CACNA1D: variants seen among roughly 807,000 people sequenced by gnomAD.
CACNA1D encodes the protein voltage-dependent L-type calcium channel subunit alpha-1D.
A neutral mutation model predicts 257.1 loss-of-function variants in CACNA1D; 55 were observed. That is an observed-to-expected ratio of 0.21 (90% CI 0.17 to 0.27). The LOEUF (loss-of-function observed/expected upper bound fraction) is 0.27, where lower values mean the gene tolerates loss of function less well. Among genes scored for constraint, CACNA1D ranks in the 10% least tolerant of loss-of-function variants. The pLI, the probability that CACNA1D is intolerant of heterozygous loss-of-function variation, is 1.00. For synonymous variants in CACNA1D, 980 were observed against 1,014.9 expected, an observed-to-expected ratio of 0.97 and a Z score of 0.65; for missense variants, 1,876 against 2,784.0, an observed-to-expected ratio of 0.67 and a Z score of 7.34.
At chr3:53,553,612 A>G (rs1231767206) in intron 3 of CACNA1D, among the ~76,000 whole-genome samples, 3 of 152,072 alleles carry the variant, frequency 2.0e-5, no homozygotes, top group African/African-American at 7.3e-5. Context: ...TACATTTGCA[A>G]TTTGTAACCA....
chr3:53,739,903 C>T (rs374846521), intron 20 of CACNA1D, among the ~76,000 whole-genome samples: 4 of 152,304 alleles, frequency 2.6e-5, no homozygotes, highest in East Asian at 1.9e-4. Context: ...GCCAGAAACG[C>T]GGTTAAAAAT....
At chr3:53,498,747 A>G (rs1164318827) in intron 2 of CACNA1D, among the ~76,000 whole-genome samples, 1 of 152,180 alleles carries the variant, frequency 6.6e-6, no homozygotes, top group African/African-American at 2.4e-5. Flanking sequence ...TTCTGTGCTA[A>G]TGGACAGGAG....
In CACNA1D at chr3:53,723,787, T is replaced by TA; in HGVS notation, c.1893-4dup. 2 of 1,612,608 alleles carry TA rather than the reference T, an allele frequency of 1.2e-6. No individual in the cohort carries two copies. The highest frequency in any genetic ancestry group is 1.7e-6 in the Non-Finnish European group (2 of 1,178,584). ...CTGAGCTGACACCCTCATCTTGACT[T>TA]ATAGGCACTGGACTTCCCTGAGCAA... On this transcript the variant is annotated splice_region_variant and splice_polypyrimidine_tract_variant and intron_variant, in intron 13 of 47. Coordinates refer to ENST00000350061, the MANE Select transcript of CACNA1D (RefSeq NM_001128840.3). The surrounding 1 kb of genome is among the most constrained non-coding windows in gnomAD (Gnocchi z 5.6).
In CACNA1D at chr3:53,542,735, A is replaced by G. The variant is rs17053162; in HGVS notation, c.483+41015A>G. On this transcript the variant is annotated intron_variant, in intron 3 of 47. Transcript: ENST00000350061. ...TGTGATTCCCTTCTCCACTAAATACAAATCAGTGCTACTCAGGGGCTCTTT... is the reference window on the plus strand; with the variant it reads ...TGTGATTCCCTTCTCCACTAAATACGAATCAGTGCTACTCAGGGGCTCTTT... Among the ~76,000 whole-genome samples the G allele has an allele frequency of 8.0e-3, 1,216 of 152,286 alleles. 92 individuals are homozygous for G. The South Asian group carries it at 0.16, about 20-fold the overall frequency.
At chr3:53,610,676 A>G (rs2093571801) in intron 3 of CACNA1D, among the ~76,000 whole-genome samples, 1 of 151,646 alleles carries the variant, frequency 6.6e-6, no homozygotes, top group Non-Finnish European at 1.5e-5. Context: ...CTTATTTTCT[A>G]TTTTTTCCAT....
intron 3 of CACNA1D, among the ~76,000 whole-genome samples, chr3:53,520,271 G>T (rs570228797): frequency 6.6e-6 from 1 of 152,176 alleles, no homozygotes. Context: ...ACATGTGGAG[G>T]TTCCAATTTC....
chr3:53,683,086 T>A (rs1303359539), intron 8 of CACNA1D, among the ~76,000 whole-genome samples: 2 of 152,124 alleles, frequency 1.3e-5, no homozygotes, highest in Admixed American at 6.5e-5. Flanking sequence ...AGCTGGGATT[T>A]TCAGGGCAGA....
At chr3:53,657,762 T>G (rs1462597196) in intron 4 of CACNA1D, among the ~76,000 whole-genome samples, 2 of 152,258 alleles carry the variant, frequency 1.3e-5, no homozygotes, top group African/African-American at 4.8e-5. Context: ...CTACAGTCTG[T>G]ATCTCAATCC....
At chr3:53,688,059 G>T (rs538094975) in intron 8 of CACNA1D, among the ~76,000 whole-genome samples, 93 of 152,302 alleles carry the variant, frequency 6.1e-4, no homozygotes, top group African/African-American at 2.1e-3. Flanking sequence ...TCACCATATG[G>T]CCAAGCAATT....
chr3:53,786,752 A>G (rs1011588076), intron 39 of CACNA1D, 70 bp from the exon 40 acceptor site: 21 of 541,496 alleles, frequency 3.9e-5, no homozygotes, highest in African/African-American at 1.6e-4. Flanking sequence ...TGCCCCAGCC[A>G]GAAGCAAGTG....
Position 53,732,076 on chromosome 3 carries a change from G to A in CACNA1D, c.2467G>A (p.Val823Met), listed in dbSNP as rs35090700. 334 of 1,611,562 alleles carry A rather than the reference G, an allele frequency of 2.1e-4. No individual in the cohort carries two copies. The African/African-American group carries it at 3.2e-3, about 16-fold the overall frequency. ...CAAGGACCCCTATCCGCCTTGCGATGTGCCAGGTATGGTGGCGGAGGCCGG... is the reference window on the plus strand; with the variant it reads ...CAAGGACCCCTATCCGCCTTGCGATATGCCAGGTATGGTGGCGGAGGCCGG... ...EDKDPYPPCD[V>M]PVGEEEEEEE... Residue 823 changes from valine to methionine, a missense_variant, in exon 18 of 48, where the codon GTG becomes ATG. Val to Met is a conservative substitution (Grantham distance 21). Coordinates refer to ENST00000350061, the MANE Select transcript of CACNA1D (RefSeq NM_001128840.3).
Position 53,801,822 on chromosome 3 carries a change from G to A in CACNA1D, c.5409-325G>A, listed in dbSNP as rs568279041. ...GCACCTTCTCAGCTCTGCCGTTGCAGTGTGAAATATGTAAGTGAATGGGTG... is the reference window on the plus strand; with the variant it reads ...GCACCTTCTCAGCTCTGCCGTTGCAATGTGAAATATGTAAGTGAATGGGTG... On this transcript the variant is annotated intron_variant, in intron 42 of 47. Coordinates refer to ENST00000350061, the MANE Select transcript of CACNA1D (RefSeq NM_001128840.3). Among the ~76,000 whole-genome samples the A allele has an allele frequency of 5.9e-5, 9 of 152,352 alleles. No individual in the cohort carries two copies. The South Asian group carries it at 1.9e-3, about 32-fold the overall frequency.
chr3:53,665,752 A>G lies in CACNA1D; in HGVS notation c.859A>G (p.Ile287Val). The G allele has an allele frequency of 6.2e-7, 1 of 1,608,206 alleles. No homozygotes were observed. Among genetic ancestry groups the G allele is most frequent in the Non-Finnish European group, 8.5e-7 (1 of 1,174,842 alleles). ...LVLFVIIIYA[I>V]IGLELFIGKM... ...ATTATTTGTAATCATAATCTATGCT[A>G]TTATAGGATTGGAACTTTTTATTGG... Residue 287 changes from isoleucine to valine, a missense_variant, in exon 6 of 48, where the codon ATT (isoleucine) becomes GTT (valine). Ile to Val is a conservative substitution (Grantham distance 29). Transcript: ENST00000350061.
At chr3:53,803,337 G>C in intron 43 of CACNA1D, 86 bp from the exon 44 acceptor site, 1 of 1,518,320 alleles carries the variant, frequency 6.6e-7, no homozygotes, top group East Asian at 2.3e-5. Flanking sequence ...ACCCGGGCAG[G>C]GTTGCCGGCC....
At chr3:53,662,581 G>A (rs1373423717) in intron 5 of CACNA1D, among the ~76,000 whole-genome samples, 1 of 152,196 alleles carries the variant, frequency 6.6e-6, no homozygotes, top group Non-Finnish European at 1.5e-5. Context: ...GTAGTGACTA[G>A]TGTAAGTTCT....
At chr3:53,781,530 G>C (rs367690212) in intron 38 of CACNA1D, 36 bp from the exon 39 acceptor site, 4 of 1,388,552 alleles carry the variant, frequency 2.9e-6, no homozygotes, top group Non-Finnish European at 4.1e-6. Context: ...GAACAGAAAT[G>C]AGGCTTGCTT....
At chr3:53,767,564 T>G (rs201652682) in intron 30 of CACNA1D, among the ~76,000 whole-genome samples, 2 of 56,858 alleles carry the variant, frequency 3.5e-5, no homozygotes, top group Non-Finnish European at 7.1e-5. Context: ...AGACTCTATC[T>G]CAAAAAAAAA....
intron 4 of CACNA1D, among the ~76,000 whole-genome samples, chr3:53,652,436 T>A (rs1339788996): frequency 3.9e-5 from 6 of 152,152 alleles, no homozygotes; most frequent in African/African-American, 1.4e-4. Flanking sequence ...TTCATAAATA[T>A]GCCTTAGAGT....
intron 2 of CACNA1D, among the ~76,000 whole-genome samples, chr3:53,500,553 G>A (rs80320456): frequency 0.025 from 3,799 of 152,314 alleles, 70 homozygotes; most frequent in East Asian, 0.043. Flanking sequence ...GTATGCTCCA[G>A]TTTTAAGTAC....
Sources: gnomAD v4.1 joint callset for allele counts (sites outside exome capture counted in the v4.1 genomes callset) on GRCh38, gnomAD v4.1.1 for gene constraint, Gnocchi (gnomAD v3.1) non-coding constraint, MANE v1.5 for transcripts, NCBI Gene and HGNC (gene_info 2026-07-23, HGNC 2026-07-21) for gene names.